PCDH15: variants seen among roughly 807,000 people sequenced by gnomAD.
PCDH15 encodes protocadherin-15.
Under a neutral mutation model 178.5 loss-of-function variants are expected in PCDH15, and 129 were observed. The ratio of observed to expected loss-of-function variants is 0.72; its 90% CI spans 0.63 to 0.84. PCDH15 has a LOEUF of 0.84. Ranked by LOEUF, PCDH15 falls within the 40% of genes least tolerant of loss-of-function variation. The probability of loss-of-function intolerance (pLI) is 0.00; values close to 1 mark genes in which losing one functional copy is unlikely to be tolerated. For missense variants in PCDH15, 2,230 were observed against 2,099.9 expected, an observed-to-expected ratio of 1.06 and a Z score of -1.21; for synonymous variants, 800 against 732.0, an observed-to-expected ratio of 1.09 and a Z score of -1.50.
At chr10:53,931,018 A>G (rs1472065796) in intron 25 of PCDH15, among the ~76,000 whole-genome samples, 2 of 152,182 alleles carry the variant, frequency 1.3e-5, no homozygotes, top group Non-Finnish European at 2.9e-5. Context: ...TGCTTAACAG[A>G]ATGAGACAGG....
chr10:54,158,059 A>G (rs957950052), intron 13 of PCDH15, among the ~76,000 whole-genome samples: 14 of 152,028 alleles, frequency 9.2e-5, no homozygotes, highest in African/African-American at 3.1e-4. Flanking sequence ...ATTTTCCCAC[A>G]TCTTCCTGTC....
intron 2 of PCDH15, among the ~76,000 whole-genome samples, chr10:54,995,050 T>C (rs2131921819): frequency 6.6e-6 from 1 of 152,276 alleles, no homozygotes; most frequent in Non-Finnish European, 1.5e-5. Context: ...TCGTAGGTTT[T>C]ATGATTATTG....
chr10:55,600,401 T>C (rs560864029), intron 2 of PCDH15, among the ~76,000 whole-genome samples: 1 of 151,826 alleles, frequency 6.6e-6, no homozygotes, highest in East Asian at 2.0e-4. Flanking sequence ...CCTTGGAGCA[T>C]AATTCAACCT....
intron 32 of PCDH15, chr10:53,821,108 CAA>C: frequency 4.1e-6 from 4 of 979,780 alleles, no homozygotes; most frequent in Non-Finnish European, 3.6e-6. Flanking sequence ...GTCAACGACT[CAA>C]GATTTATTTT....
chr10:54,845,711 T>C (rs1007862528), intron 3 of PCDH15, among the ~76,000 whole-genome samples: 2 of 152,040 alleles, frequency 1.3e-5, no homozygotes, highest in Admixed American at 6.6e-5. Flanking sequence ...CAGTTGGACA[T>C]AGCAAAGTGT....
rs567081123 is a variant in PCDH15 at position 53,904,799 on chromosome 10, G to A, written c.3374-1429C>T. 1.7e-4 allele frequency among the ~76,000 whole-genome samples: 26 copies of A among 152,136 alleles called. No homozygotes were observed. In the East Asian group the frequency reaches 4.4e-3, roughly 26 times the overall value. On this transcript the variant is annotated intron_variant, in intron 25 of 37. Transcript: ENST00000644397. ...CTTTTATCTCTAGAATAAAAAATGC[G>A]AACAGCTCTAAATTTAAAAATAAAA... is the stretch of plus-strand genomic sequence containing the variant.
At chr10:54,581,610 A>C (rs896060315) in intron 2 of PCDH15, among the ~76,000 whole-genome samples, 1 of 152,076 alleles carries the variant, frequency 6.6e-6, no homozygotes, top group Non-Finnish European at 1.5e-5. Flanking sequence ...AATAGCCTGA[A>C]TAGCTAAAGG....
In PCDH15 at chr10:54,940,470, A is replaced by G. The variant is rs1457055580; in HGVS notation, c.-79-42970T>C. Among the ~76,000 whole-genome samples, 3 of 152,242 alleles carry G rather than the reference A, an allele frequency of 2.0e-5. No individual in the cohort carries two copies. In the East Asian group the frequency reaches 5.8e-4, roughly 29 times the overall value. On this transcript the variant is annotated intron_variant, in intron 2 of 5. Transcript: ENST00000458638. The stretch of plus-strand genomic sequence containing the variant: ...ACAATATGATCCTTGAATACGTACC[A>G]TTTGCATTTGAAAAGAAAGTATATA...
chr10:55,533,758 G>A (rs1030583877), intron 2 of PCDH15, among the ~76,000 whole-genome samples: 1 of 151,864 alleles, frequency 6.6e-6, no homozygotes, highest in East Asian at 1.9e-4. Context: ...CAAAAAAAAA[G>A]AGCATGAATA....
chr10:54,780,782 C>T (rs981297601), intron 1 of PCDH15, among the ~76,000 whole-genome samples: 10 of 144,156 alleles, frequency 6.9e-5, no homozygotes, highest in East Asian at 2.1e-4. Flanking sequence ...TATCTTTTAA[C>T]GAATGAGAAC....
chr10:53,808,652 G>A, intron 37 of PCDH15: 1 of 1,588,718 alleles, frequency 6.3e-7, no homozygotes, highest in South Asian at 1.1e-5. Flanking sequence ...GCACACGAGA[G>A]CACTCATCAC....
chr10:54,798,109 G>A (rs901165436), intron 1 of PCDH15, among the ~76,000 whole-genome samples: 3 of 151,612 alleles, frequency 2.0e-5, no homozygotes, highest in Non-Finnish European at 4.4e-5. Context: ...ACAGTTTCTG[G>A]GTGATTTACA....
intron 1 of PCDH15, among the ~76,000 whole-genome samples, chr10:55,298,676 G>A (rs1843196385): frequency 6.6e-6 from 1 of 152,050 alleles, no homozygotes; most frequent in Admixed American, 6.6e-5. Flanking sequence ...CCACCTGCCA[G>A]TTCAAGTGAT....
intron 1 of PCDH15, among the ~76,000 whole-genome samples, chr10:54,726,838 T>A (rs372433090): frequency 5.5e-4 from 82 of 148,690 alleles, no homozygotes; most frequent in African/African-American, 1.9e-3. Context: ...GGTCAACTCA[T>A]TCGGATTAAA....
chr10:54,056,647 GC>G (rs1427288430), intron 18 of PCDH15, among the ~76,000 whole-genome samples: 1 of 152,040 alleles, frequency 6.6e-6, no homozygotes, highest in African/African-American at 2.4e-5. Context: ...TGAGGACACA[GC>G]CAAACCATAT....
chr10:54,634,640 TGA>T (rs1167839654), intron 2 of PCDH15, among the ~76,000 whole-genome samples: 2 of 151,952 alleles, frequency 1.3e-5, no homozygotes, highest in Non-Finnish European at 2.9e-5. Flanking sequence ...GAAAAGAGAC[TGA>T]GAAAAAAATT....
intron 3 of PCDH15, among the ~76,000 whole-genome samples, chr10:54,856,233 G>A (rs1453572696): frequency 6.6e-6 from 1 of 152,160 alleles, no homozygotes; most frequent in African/African-American, 2.4e-5. Flanking sequence ...AGAGGAAAGA[G>A]GTGTGTGACA....
At chr10:54,607,542 T>C (rs1487777958) in intron 2 of PCDH15, among the ~76,000 whole-genome samples, 1 of 152,102 alleles carries the variant, frequency 6.6e-6, no homozygotes, top group African/African-American at 2.4e-5. Context: ...GTTTATGTTT[T>C]GAACATTATG....
intron 2 of PCDH15, among the ~76,000 whole-genome samples, chr10:55,475,743 A>C (rs527792238): frequency 2.0e-5 from 3 of 152,258 alleles, no homozygotes; most frequent in African/African-American, 7.2e-5. Context: ...ATGCCAAATT[A>C]AAAAAGAAAA....
Sources: allele counts gnomAD v4.1 joint callset (sites outside exome capture counted in the v4.1 genomes callset), GRCh38; gene constraint gnomAD v4.1.1; transcripts MANE v1.5; gene names NCBI Gene and HGNC (gene_info 2026-07-23, HGNC 2026-07-21).